The following BMP5 variants were observed in gnomAD, a reference collection of about 807,000 sequenced individuals.
The protein encoded by BMP5 is bone morphogenetic protein 5.
BMP5 carries 23 observed loss-of-function variants against 46.6 expected under a neutral mutation model. The ratio of observed to expected loss-of-function variants is 0.49; its 90% CI spans 0.35 to 0.70. The LOEUF (loss-of-function observed/expected upper bound fraction) is 0.70. Ranked by LOEUF, BMP5 falls within the 30% of genes least tolerant of loss-of-function variation. BMP5 has a pLI of 0.00. For missense variants in BMP5, 545 were observed against 565.6 expected (o/e 0.96, Z 0.37); for synonymous variants, 204 against 191.9 (o/e 1.06, Z -0.52).
chr6:55,853,816 T>G (rs1485725603), intron 1 of BMP5, among the ~76,000 whole-genome samples: 1 of 152,186 alleles, frequency 6.6e-6, no homozygotes. Context: ...TACGGTTATA[T>G]TTTTTCTTTA....
chr6:55,781,614 T>G (rs970174171), intron 3 of BMP5, among the ~76,000 whole-genome samples: 1 of 151,562 alleles, frequency 6.6e-6, no homozygotes, highest in South Asian at 2.1e-4. Context: ...CAAATTTTTT[T>G]TTTTTTTTTT....
chr6:55,760,541 T>TA lies in BMP5; in HGVS notation c.1028-9dup, dbSNP rs1774747076. The stretch of plus-strand genomic sequence containing the variant: ...GCTCACTTGTGTTATAATCTGAAGA[T>TA]AAAAACCACATTTTGAATAAATGGT... On this transcript the variant is annotated splice_polypyrimidine_tract_variant and intron_variant, in intron 4 of 6. Coordinates refer to ENST00000370830, the MANE Select transcript of BMP5 (RefSeq NM_021073.4). The TA allele has an allele frequency of 6.2e-7, 1 of 1,611,476 alleles. No homozygotes were observed. Among genetic ancestry groups the TA allele is most frequent in the Non-Finnish European group, 8.5e-7 (1 of 1,178,032 alleles).
At chr6:55,816,117 A>G (rs969613883) in intron 2 of BMP5, among the ~76,000 whole-genome samples, 2 of 152,108 alleles carry the variant, frequency 1.3e-5, no homozygotes, top group Non-Finnish European at 2.9e-5. Context: ...GGATATAAAT[A>G]ACCAACTATA....
chr6:55,852,088 C>T (rs1384952996), intron 1 of BMP5, among the ~76,000 whole-genome samples: 1 of 152,076 alleles, frequency 6.6e-6, no homozygotes, highest in Non-Finnish European at 1.5e-5. Flanking sequence ...GTTAGTATAT[C>T]TATCTACTCT....
intron 2 of BMP5, among the ~76,000 whole-genome samples, chr6:55,819,441 G>C (rs569477766): frequency 6.6e-6 from 1 of 152,122 alleles, no homozygotes; most frequent in South Asian, 2.1e-4. Flanking sequence ...TTTAGTATAC[G>C]AATTGGTGTC....
At chr6:55,820,615 A>C (rs1776384358) in intron 1 of BMP5, among the ~76,000 whole-genome samples, 1 of 151,930 alleles carries the variant, frequency 6.6e-6, no homozygotes, top group Non-Finnish European at 1.5e-5. Context: ...GCAGGGTCTC[A>C]CTATGTTACC....
In BMP5 at chr6:55,874,856, T is replaced by C; in HGVS notation, c.10A>G (p.Thr4Ala). Residue 4 changes from threonine to alanine, a missense_variant, in exon 1 of 7, where the codon ACT becomes GCT. By Grantham distance (58) the Thr-to-Ala change is moderately conservative. Transcript: ENST00000370830. Reference protein sequence around the residue: MHLTVFLLKGIVGF... With the variant: MHLAVFLLKGIVGF... ...ACAATACCCTTAAGTAAAAATACAG[T>C]CAGATGCATTTTTGTCCAAAAGCAA... 1 of 1,612,562 alleles carries C rather than the reference T, an allele frequency of 6.2e-7. No homozygotes were observed. Among genetic ancestry groups the C allele is most frequent in the Non-Finnish European group, 8.5e-7 (1 of 1,179,400 alleles).
At chr6:55,758,822 C>T (rs966026616) in intron 6 of BMP5, among the ~76,000 whole-genome samples, 183 bp downstream of exon 6, 1 of 151,922 alleles carries the variant, frequency 6.6e-6, no homozygotes, top group African/African-American at 2.4e-5. Flanking sequence ...ACTGGGATTA[C>T]TCTAAACCAG....
chr6:55,818,943 T>C (rs9475415), intron 2 of BMP5, among the ~76,000 whole-genome samples: 1,767 of 150,874 alleles, frequency 0.012, 35 homozygotes, highest in African/African-American at 0.04. Context: ...GATAGATAGA[T>C]AGACAGACAG....
intron 1 of BMP5, among the ~76,000 whole-genome samples, chr6:55,854,477 C>T (rs1474278062): frequency 2.0e-5 from 3 of 151,842 alleles, no homozygotes; most frequent in African/African-American, 7.2e-5. Context: ...GGCATTCATA[C>T]ACATATATGT....
At chr6:55,822,101 G>A (rs1386757046) in intron 1 of BMP5, among the ~76,000 whole-genome samples, 2 of 152,110 alleles carry the variant, frequency 1.3e-5, no homozygotes, top group Non-Finnish European at 2.9e-5. Flanking sequence ...TGAAGCAACT[G>A]TGGAAGCATG....
intron 1 of BMP5, among the ~76,000 whole-genome samples, chr6:55,864,791 A>G (rs1041859328): frequency 6.6e-6 from 1 of 152,178 alleles, no homozygotes; most frequent in Admixed American, 6.6e-5. Flanking sequence ...CAGTTTATGT[A>G]TGGCCTTTTG....
chr6:55,817,465 C>G (rs1028416822), intron 2 of BMP5, among the ~76,000 whole-genome samples: 3 of 152,154 alleles, frequency 2.0e-5, no homozygotes, highest in East Asian at 3.9e-4. Context: ...ACAGATGAAG[C>G]TAGAAACCAT....
chr6:55,852,958 C>T (rs1017535223), intron 1 of BMP5, among the ~76,000 whole-genome samples: 4 of 151,654 alleles, frequency 2.6e-5, no homozygotes, highest in Admixed American at 6.6e-5. Context: ...GGTGAAGCCC[C>T]ATCTCTACTA....
intron 2 of BMP5, among the ~76,000 whole-genome samples, chr6:55,795,578 T>G (rs1775692231): frequency 6.6e-6 from 1 of 152,126 alleles, no homozygotes; most frequent in African/African-American, 2.4e-5. Flanking sequence ...TAAATCATAC[T>G]TTTTTAATGA....
At chr6:55,846,561 A>G (rs1394300178) in intron 1 of BMP5, among the ~76,000 whole-genome samples, 1 of 151,948 alleles carries the variant, frequency 6.6e-6, no homozygotes, top group African/African-American at 2.4e-5. Context: ...TTCTTCTTCA[A>G]TTAAACTTGC....
At chr6:55,784,831 T>C (rs1238252945) in intron 3 of BMP5, among the ~76,000 whole-genome samples, 1 of 151,860 alleles carries the variant, frequency 6.6e-6, no homozygotes, top group Non-Finnish European at 1.5e-5. Flanking sequence ...ATTATAACAA[T>C]ACAATTATTT....
At chr6:55,784,751 C>T (rs1210267607) in intron 3 of BMP5, among the ~76,000 whole-genome samples, 1 of 151,700 alleles carries the variant, frequency 6.6e-6, no homozygotes, top group Non-Finnish European at 1.5e-5. Flanking sequence ...AAAAATAATT[C>T]CCAACAGATA....
intron 3 of BMP5, among the ~76,000 whole-genome samples, chr6:55,781,480 G>C (rs1775315901): frequency 6.6e-6 from 1 of 152,056 alleles, no homozygotes; most frequent in African/African-American, 2.4e-5. Flanking sequence ...TTGTTTCACA[G>C]CAGTGAAATT....
Sources: allele counts gnomAD v4.1 joint callset (sites outside exome capture counted in the v4.1 genomes callset), GRCh38; gene constraint gnomAD v4.1.1; transcripts MANE v1.5; gene names NCBI Gene and HGNC (gene_info 2026-07-23, HGNC 2026-07-21).